Variants in OTOGL observed in about 807,000 individuals in gnomAD.
OTOGL encodes otogelin-like protein.
A neutral mutation model predicts 318.5 loss-of-function variants in OTOGL; 285 were observed. That is an observed-to-expected ratio of 0.89 (90% CI 0.81 to 0.99). The LOEUF (loss-of-function observed/expected upper bound fraction) is 0.99, where lower values mean the gene tolerates loss of function less well. Ranked by LOEUF, OTOGL falls within the 50% of genes least tolerant of loss-of-function variation. The pLI is 0.00. For missense variants in OTOGL, 2,899 were observed against 2,845.6 expected, an observed-to-expected ratio of 1.02 and a Z score of -0.43; for synonymous variants, 987 against 936.5, an observed-to-expected ratio of 1.05 and a Z score of -0.99.
intron 1 of OTOGL, among the ~76,000 whole-genome samples, chr12:80,120,870 G>A (rs892333669): frequency 6.6e-6 from 1 of 152,144 alleles, no homozygotes; most frequent in African/African-American, 2.4e-5. Context: ...TCAGAACAAA[G>A]ACCCTTATTC....
intron 1 of OTOGL, among the ~76,000 whole-genome samples, chr12:80,185,834 A>G (rs1329906916): frequency 6.6e-6 from 1 of 152,236 alleles, no homozygotes; most frequent in Non-Finnish European, 1.5e-5. Context: ...TGTAATTATC[A>G]GGATTGATTA....
At chr12:80,318,522 A>G in intron 32 of OTOGL, 24 bp from the exon 33 acceptor site, 1 of 1,217,292 alleles carries the variant, frequency 8.2e-7, no homozygotes, top group Non-Finnish European at 1.0e-6. Context: ...CCAATTTATA[A>G]TTCTAATATT....
intron 1 of OTOGL, among the ~76,000 whole-genome samples, chr12:80,158,586 T>G (rs1187977011): frequency 6.6e-6 from 1 of 152,064 alleles, no homozygotes; most frequent in Non-Finnish European, 1.5e-5. Context: ...CATATATATG[T>G]ATAAGCTTTT....
chr12:80,362,489 G>A lies in OTOGL; in HGVS notation c.6267+3589G>A, dbSNP rs570856995. Among the ~76,000 whole-genome samples, 9 of 152,224 alleles carry A rather than the reference G, an allele frequency of 5.9e-5. No individual in the cohort carries two copies. In the South Asian group the frequency reaches 1.9e-3, roughly 32 times the overall value. On this transcript the variant is annotated intron_variant, in intron 52 of 58. Transcript: ENST00000547103. The stretch of plus-strand genomic sequence containing the variant: ...GTCTTTTGTGGTTTTAAGCAAATTT[G>A]AGGATTGTTTTATCTATCTCTGTAA...
At chr12:80,256,849 T>G (rs1882097167) in intron 17 of OTOGL, among the ~76,000 whole-genome samples, 1 of 152,056 alleles carries the variant, frequency 6.6e-6, no homozygotes, top group Admixed American at 6.6e-5. Context: ...ACAATGATTG[T>G]CTCATTGAGC....
At chr12:80,211,860 G>A (rs1476956880) in intron 3 of OTOGL, 89 bp from the exon 4 acceptor site, 4 of 1,045,892 alleles carry the variant, frequency 3.8e-6, no homozygotes, top group Non-Finnish European at 5.6e-6. Flanking sequence ...ATGGAAATCA[G>A]GAGGAAAACA....
In OTOGL at chr12:80,352,382, G is replaced by A. The variant is rs758383605; in HGVS notation, c.5353G>A (p.Ala1785Thr). The change falls in exon 45 of 59, where the codon GCT (alanine) becomes ACT (threonine). Residue 1785 changes from alanine (A) to threonine (T), a missense_variant. Ala to Thr is a moderately conservative substitution (Grantham distance 58, BLOSUM62 0). Transcript: ENST00000547103. ...YECDALSAYV[A>T]LCNKFDICIQ... ...ATGTGATGCACTTTCTGCATATGTG[G>A]CTCTGTGCAACAAGTTTGATATCTG... The A allele has an allele frequency of 1.9e-6, 3 of 1,612,390 alleles. No individual in the cohort carries two copies. The highest frequency in any genetic ancestry group is 2.2e-5 in the East Asian group (1 of 44,776).
rs766182427 is a variant in OTOGL, at chr12:80,358,336, T to A, written c.6108T>A (p.Pro2036=). ...TTAATAGCACACACTTCTGTTGTCC[T>A]CAGTATTACTGTGGTAAGTGTATAT... is the stretch of plus-strand genomic sequence containing the variant. ...VDLNSTHFCC[P]QYYCVCEPNL... Residue 2036 remains proline (P), a synonymous_variant, in exon 50 of 59, where the codon CCT becomes CCA. Coordinates refer to ENST00000547103, the MANE Select transcript of OTOGL (RefSeq NM_001378609.3). The A allele has an allele frequency of 2.5e-6, 4 of 1,590,436 alleles. No individual in the cohort carries two copies. The highest frequency in any genetic ancestry group is 2.2e-5 in the East Asian group (1 of 44,638).
rs538804298 is a variant in OTOGL, at chr12:80,257,476, T to C, written c.1712-349T>C. 4.5e-4 allele frequency among the ~76,000 whole-genome samples: 68 copies of C among 152,054 alleles called. 1 individual carries two copies. Among genetic ancestry groups the C allele is most frequent in the African/African-American group, 1.6e-3 (65 of 41,500 alleles). ...ATAGAGATGGAGAGAAGAAGACAGA[T>C]TGAAAAAACATTTAGGACAAAAGTC... On this transcript the variant is annotated intron_variant, in intron 17 of 58. Coordinates refer to ENST00000547103, the MANE Select transcript of OTOGL (RefSeq NM_001378609.3).
intron 1 of OTOGL, among the ~76,000 whole-genome samples, chr12:80,120,085 C>T: frequency 6.6e-6 from 1 of 151,492 alleles, no homozygotes; most frequent in Non-Finnish European, 1.5e-5. Flanking sequence ...TCTGGAGTAG[C>T]AGAGTTTGAA....
intron 46 of OTOGL, 140 bp downstream of exon 46, chr12:80,353,650 G>T: frequency 1.4e-6 from 1 of 702,004 alleles, no homozygotes; most frequent in Non-Finnish European, 2.1e-6. Flanking sequence ...TTTGTAGTTT[G>T]ATTTTAATAT....
chr12:80,249,331 A>G (rs1881242465), intron 11 of OTOGL, among the ~76,000 whole-genome samples: 1 of 151,608 alleles, frequency 6.6e-6, no homozygotes. Flanking sequence ...GGTGATATAC[A>G]GATGGGTTTT....
At chr12:80,121,217 T>C (rs951497684) in intron 1 of OTOGL, among the ~76,000 whole-genome samples, 4 of 152,170 alleles carry the variant, frequency 2.6e-5, no homozygotes, top group African/African-American at 9.7e-5. Context: ...AAACCACCTG[T>C]TTGTGAATAT....
chr12:80,233,683 A>G (rs1350260126), intron 9 of OTOGL, among the ~76,000 whole-genome samples: 1 of 152,212 alleles, frequency 6.6e-6, no homozygotes, highest in Non-Finnish European at 1.5e-5. Flanking sequence ...TTTTGTATCA[A>G]TTCAGATACT....
chr12:80,303,477 A>G (rs1885909593), intron 28 of OTOGL, among the ~76,000 whole-genome samples: 1 of 152,190 alleles, frequency 6.6e-6, no homozygotes, highest in Non-Finnish European at 1.5e-5. Context: ...TTAAATGTAA[A>G]AAATGTTACT....
At chr12:80,196,076 C>T (rs1876045765) in intron 1 of OTOGL, among the ~76,000 whole-genome samples, 2 of 152,184 alleles carry the variant, frequency 1.3e-5, no homozygotes, top group African/African-American at 4.8e-5. Flanking sequence ...CAATCTGGCT[C>T]TTTCTCTACT....
At chr12:80,315,897 AAC>A (rs1303854292) in intron 32 of OTOGL, among the ~76,000 whole-genome samples, 1 of 152,126 alleles carries the variant, frequency 6.6e-6, no homozygotes, top group African/African-American at 2.4e-5. Context: ...CGCACACACA[AAC>A]ACACACTTCA....
At chr12:80,173,277 T>C (rs1444679565) in intron 1 of OTOGL, among the ~76,000 whole-genome samples, 1 of 152,030 alleles carries the variant, frequency 6.6e-6, no homozygotes, top group African/African-American at 2.4e-5. Context: ...CTACTGAATA[T>C]ACTTATAGTT....
At chr12:80,165,906 A>T (rs1873799461) in intron 1 of OTOGL, among the ~76,000 whole-genome samples, 2 of 151,782 alleles carry the variant, frequency 1.3e-5, no homozygotes, top group Admixed American at 1.3e-4. Flanking sequence ...TTCTTCAGTT[A>T]CTCCTTCTGA....
Sources: allele counts gnomAD v4.1 joint callset (sites outside exome capture counted in the v4.1 genomes callset), GRCh38; gene constraint gnomAD v4.1.1; transcripts MANE v1.5; gene names NCBI Gene and HGNC (gene_info 2026-07-23, HGNC 2026-07-21).